Variants in PPP2R2D observed in about 807,000 individuals in gnomAD.
The protein encoded by PPP2R2D is serine/threonine-protein phosphatase 2A 55 kDa regulatory subunit B delta isoform.
PPP2R2D carries 9 observed loss-of-function variants against 31.1 expected under a neutral mutation model. The observed-to-expected ratio is 0.29, with a 90% CI of 0.17 to 0.51. The LOEUF is 0.51. Ranked by LOEUF, PPP2R2D falls within the 20% of genes least tolerant of loss-of-function variation. PPP2R2D has a pLI of 0.98. For synonymous variants in PPP2R2D, 179 were observed against 172.6 expected, an observed-to-expected ratio of 1.04 and a Z score of -0.29; for missense variants, 391 against 465.6, an observed-to-expected ratio of 0.84 and a Z score of 1.48.
At chr10:131,928,057 G>C (rs143068078) in intron 2 of PPP2R2D, among the ~76,000 whole-genome samples, 1 of 152,148 alleles carries the variant, frequency 6.6e-6, no homozygotes, top group South Asian at 2.1e-4. Flanking sequence ...AGCTGTCTAC[G>C]AGAGCTGCCG....
At chr10:131,943,574 A>G (rs563672903) in intron 5 of PPP2R2D, among the ~76,000 whole-genome samples, 1 of 152,150 alleles carries the variant, frequency 6.6e-6, no homozygotes, top group African/African-American at 2.4e-5. Flanking sequence ...GTGTGCATCT[A>G]GCTGCAAGGA....
intron 2 of PPP2R2D, among the ~76,000 whole-genome samples, chr10:131,905,397 G>C (rs940464438): frequency 2.0e-5 from 3 of 152,246 alleles, no homozygotes; most frequent in Admixed American, 2.0e-4. Flanking sequence ...CCCAGCCCCT[G>C]CTCCCTCTCC....
intron 2 of PPP2R2D, among the ~76,000 whole-genome samples, chr10:131,915,248 G>A (rs895784458): frequency 1.3e-5 from 2 of 151,980 alleles, no homozygotes; most frequent in African/African-American, 4.8e-5. Context: ...GGGGGGATTC[G>A]TGCCTTACGT....
At chr10:131,905,756 G>C (rs1413717196) in intron 2 of PPP2R2D, among the ~76,000 whole-genome samples, 1 of 152,230 alleles carries the variant, frequency 6.6e-6, no homozygotes, top group Non-Finnish European at 1.5e-5. Context: ...AGGGTTTGGA[G>C]CCACGCCGAC....
At chr10:131,904,489 G>A (rs1043326098) in intron 2 of PPP2R2D, among the ~76,000 whole-genome samples, 6,390 of 152,136 alleles carry the variant, frequency 0.042, 197 homozygotes, top group Non-Finnish European at 0.062. Context: ...CAGCCTGGGC[G>A]ACAGAGCAAG....
chr10:131,932,410 AG>A (rs2036252112), intron 2 of PPP2R2D, among the ~76,000 whole-genome samples: 1 of 152,158 alleles, frequency 6.6e-6, no homozygotes. Context: ...TGGGAAGCTG[AG>A]GCAAGTTGAT....
chr10:131,906,576 C>G (rs1156653472), intron 2 of PPP2R2D, among the ~76,000 whole-genome samples: 1 of 151,774 alleles, frequency 6.6e-6, no homozygotes, highest in East Asian at 1.9e-4. Flanking sequence ...AGAAAGGTAA[C>G]AAAAATTAAG....
chr10:131,932,646 C>CAAAAAAAAA (rs368610703), intron 2 of PPP2R2D, among the ~76,000 whole-genome samples: 651 of 57,688 alleles, frequency 0.011, 41 homozygotes, highest in African/African-American at 0.027. Context: ...CAGCCTGTCT[C>CAAAAAAAAA]AAAAAAAAAA....
At chr10:131,904,779 G>T (rs1017298605) in intron 2 of PPP2R2D, among the ~76,000 whole-genome samples, 1 of 152,204 alleles carries the variant, frequency 6.6e-6, no homozygotes, top group African/African-American at 2.4e-5. Flanking sequence ...CTTCAGTGGG[G>T]TGATGCCCAG....
At chr10:131,952,857 C>CA (rs1554899144) in intron 8 of PPP2R2D, among the ~76,000 whole-genome samples, 3 of 19,860 alleles carry the variant, frequency 1.5e-4, no homozygotes, top group African/African-American at 6.1e-4. Context: ...CAGTGACTTG[C>CA]GGGGGGGGTC....
chr10:131,943,352 A>G (rs1210244357), intron 5 of PPP2R2D, among the ~76,000 whole-genome samples: 4 of 152,154 alleles, frequency 2.6e-5, no homozygotes, highest in African/African-American at 7.2e-5. Flanking sequence ...GTAATATATA[A>G]TACATACCTC....
At chr10:131,904,576 A>T (rs950718213) in intron 2 of PPP2R2D, among the ~76,000 whole-genome samples, 1 of 151,696 alleles carries the variant, frequency 6.6e-6, no homozygotes, top group Non-Finnish European at 1.5e-5. Context: ...AGGCTGTAGA[A>T]CTTAAGGTAT....
chr10:131,932,494 C>G (rs1554895806), intron 2 of PPP2R2D, among the ~76,000 whole-genome samples: 1 of 151,934 alleles, frequency 6.6e-6, no homozygotes, highest in Non-Finnish European at 1.5e-5. Flanking sequence ...TGGCAAAACC[C>G]TGTCTCTACT....
At chr10:131,922,698 G>A (rs767374467) in intron 2 of PPP2R2D, among the ~76,000 whole-genome samples, 4 of 151,844 alleles carry the variant, frequency 2.6e-5, no homozygotes, top group Admixed American at 6.6e-5. Context: ...CGCCTGCCTC[G>A]GCCTCTCAAA....
At chr10:131,908,896 C>T (rs2035640563) in intron 2 of PPP2R2D, among the ~76,000 whole-genome samples, 1 of 152,188 alleles carries the variant, frequency 6.6e-6, no homozygotes, top group Admixed American at 6.5e-5. Flanking sequence ...GAAAAGTTCA[C>T]GACAGCATAC....
At chr10:131,965,664 G>A in the PPP2R2D span, among the ~76,000 whole-genome samples, 16 of 152,104 alleles carry the variant, frequency 1.1e-4, no homozygotes, top group Admixed American at 2.6e-4. Flanking sequence ...CAGGCTGATC[G>A]CGAACTCCTG....
In PPP2R2D at chr10:131,949,165, C is replaced by T. The variant is rs563292363; in HGVS notation, c.1082+1374C>T. Among the ~76,000 whole-genome samples the T allele has an allele frequency of 5.3e-5, 8 of 152,288 alleles. No homozygotes were observed. In the South Asian group the frequency reaches 1.0e-3, roughly 20 times the overall value. On this transcript the variant is annotated intron_variant, in intron 8 of 8. Coordinates refer to ENST00000455566, the MANE Select transcript of PPP2R2D (RefSeq NM_018461.5). ...ATGTTGACTGAAGACATGAGGTTCC[C>T]GGGTTCTCATGGCACAGCTGGCAGC... is the stretch of plus-strand genomic sequence containing the variant.
intron 2 of PPP2R2D, among the ~76,000 whole-genome samples, chr10:131,927,546 C>T (rs1554895107): frequency 1.3e-5 from 2 of 152,088 alleles, no homozygotes; most frequent in African/African-American, 2.4e-5. Context: ...CTGCAGAGGG[C>T]ACAGGTCCCA....
chr10:131,907,923 T>C (rs2035623542), intron 2 of PPP2R2D, among the ~76,000 whole-genome samples: 1 of 152,192 alleles, frequency 6.6e-6, no homozygotes. Context: ...GCTGTTCTGA[T>C]GGGAAGTTCC....
Sources: gnomAD v4.1 joint callset for allele counts (sites outside exome capture counted in the v4.1 genomes callset) on GRCh38, gnomAD v4.1.1 for gene constraint, MANE v1.5 for transcripts, NCBI Gene and HGNC (gene_info 2026-07-23, HGNC 2026-07-21) for gene names.